CTNNA2: variants seen among roughly 807,000 people sequenced by gnomAD.
The protein encoded by CTNNA2 is catenin alpha 2.
Under a neutral mutation model 101.0 loss-of-function variants are expected in CTNNA2, and 42 were observed. That is an observed-to-expected ratio of 0.42 (90% CI 0.32 to 0.54). CTNNA2 has a LOEUF of 0.54. Ranked by LOEUF, CTNNA2 falls within the 20% of genes least tolerant of loss-of-function variation. CTNNA2 has a pLI of 0.14. For missense variants in CTNNA2, 871 were observed against 1,223.1 expected (o/e 0.71, Z 4.29); for synonymous variants, 450 against 456.4 (o/e 0.99, Z 0.18).
chr2:80,304,960 A>G (rs1459144536), intron 7 of CTNNA2: 2 of 421,230 alleles, frequency 4.7e-6, no homozygotes, highest in East Asian at 3.3e-4. Context: ...AGGTAGGGGT[A>G]GCATCATCCA....
intron 7 of CTNNA2, among the ~76,000 whole-genome samples, chr2:80,377,224 A>G (rs1313309335): frequency 6.6e-5 from 10 of 152,180 alleles, no homozygotes; most frequent in Non-Finnish European, 1.3e-4. Flanking sequence ...CTATAAAACA[A>G]TTTATTCTCC....
chr2:79,935,244 G>A (rs552860615), intron 7 of CTNNA2, among the ~76,000 whole-genome samples: 317 of 152,126 alleles, frequency 2.1e-3, no homozygotes, highest in African/African-American at 6.9e-3. Context: ...TATAGATGAG[G>A]GGGCAGAGCC....
chr2:79,827,138 A>G (rs1485982005), intron 3 of CTNNA2, among the ~76,000 whole-genome samples: 1 of 152,046 alleles, frequency 6.6e-6, no homozygotes, highest in Non-Finnish European at 1.5e-5. Flanking sequence ...TCCCAGGTTC[A>G]AGTGATTCTT....
chr2:80,449,328 C>T (rs1381708595), intron 9 of CTNNA2, among the ~76,000 whole-genome samples: 1 of 149,784 alleles, frequency 6.7e-6, no homozygotes, highest in Non-Finnish European at 1.5e-5. Context: ...AATAAATACA[C>T]TAAATAAAAT....
At chr2:79,623,971 A>T (rs1405383483) in intron 1 of CTNNA2, among the ~76,000 whole-genome samples, 2 of 152,078 alleles carry the variant, frequency 1.3e-5, no homozygotes, top group African/African-American at 4.8e-5. Flanking sequence ...TTCTTGAGTC[A>T]TATGGAAGAC....
chr2:79,421,405 C>T (rs575433586), intron 4 of CTNNA2, among the ~76,000 whole-genome samples: 6 of 152,152 alleles, frequency 3.9e-5, no homozygotes, highest in East Asian at 3.9e-4. Flanking sequence ...AAAAATTATC[C>T]GAAAAGGGCT....
At chr2:80,077,494 A>G (rs1206722286) in intron 7 of CTNNA2, among the ~76,000 whole-genome samples, 3 of 151,988 alleles carry the variant, frequency 2.0e-5, no homozygotes, top group East Asian at 3.9e-4. Context: ...CACACCTTTA[A>G]TCCCAGCACT....
intron 4 of CTNNA2, among the ~76,000 whole-genome samples, chr2:79,423,207 T>C (rs1018472425): frequency 6.6e-6 from 1 of 152,274 alleles, no homozygotes; most frequent in Middle Eastern, 3.4e-3. Flanking sequence ...GAAAATTCCA[T>C]GCTATAAAAG....
chr2:80,628,482 A>C (rs1208056817), intron 18 of CTNNA2, among the ~76,000 whole-genome samples: 4 of 151,184 alleles, frequency 2.6e-5, no homozygotes, highest in Non-Finnish European at 4.4e-5. Flanking sequence ...CAGTTTTCCC[A>C]ACACTATTTA....
At chr2:79,624,002 C>T (rs530052703) in intron 1 of CTNNA2, among the ~76,000 whole-genome samples, 3 of 152,020 alleles carry the variant, frequency 2.0e-5, no homozygotes, top group South Asian at 2.1e-4. Flanking sequence ...CTCTCTCCCC[C>T]GTACAGTCTC....
intron 12 of CTNNA2, among the ~76,000 whole-genome samples, chr2:80,571,336 A>G (rs943355308): frequency 6.6e-6 from 1 of 152,250 alleles, no homozygotes; most frequent in African/African-American, 2.4e-5. Flanking sequence ...ATCGGTTTCT[A>G]TCATGTTGTG....
intron 7 of CTNNA2, among the ~76,000 whole-genome samples, chr2:80,196,580 G>A (rs1706846625): frequency 1.3e-5 from 2 of 152,056 alleles, no homozygotes; most frequent in Non-Finnish European, 2.9e-5. Flanking sequence ...AACCCTAAAT[G>A]CCTACTATCT....
intron 7 of CTNNA2, among the ~76,000 whole-genome samples, chr2:80,178,220 C>T (rs909882982): frequency 6.6e-6 from 1 of 152,182 alleles, no homozygotes; most frequent in African/African-American, 2.4e-5. Context: ...TGTTCACGTA[C>T]ATACATATCA....
chr2:79,720,321 T>C (rs1035202775), intron 2 of CTNNA2, among the ~76,000 whole-genome samples: 1 of 152,160 alleles, frequency 6.6e-6, no homozygotes, highest in African/African-American at 2.4e-5. Flanking sequence ...TGAAGTCAGG[T>C]AGTGTAATGC....
At chr2:80,193,387 C>T (rs560916124) in intron 7 of CTNNA2, among the ~76,000 whole-genome samples, 15 of 152,172 alleles carry the variant, frequency 9.9e-5, no homozygotes, top group African/African-American at 3.4e-4. Flanking sequence ...GGGTTCTGGT[C>T]GTGGGAAGTC....
chr2:79,840,752 G>A (rs1679731880), intron 3 of CTNNA2, among the ~76,000 whole-genome samples: 1 of 133,286 alleles, frequency 7.5e-6, no homozygotes, highest in South Asian at 2.6e-4. Flanking sequence ...AGGCAGGACA[G>A]CGAGACTACC....
intron 7 of CTNNA2, among the ~76,000 whole-genome samples, chr2:80,366,789 C>G (rs114960253): frequency 6.6e-6 from 1 of 152,032 alleles, no homozygotes. Context: ...GCCAAGGTTG[C>G]GGATGCACAG....
At chr2:80,071,871 G>A (rs540102866) in intron 7 of CTNNA2, among the ~76,000 whole-genome samples, 5 of 152,266 alleles carry the variant, frequency 3.3e-5, no homozygotes, top group Non-Finnish European at 7.4e-5. Flanking sequence ...AGGAATTCTC[G>A]GATTTGGGGA....
At chr2:79,593,637 C>G (rs1422919605) in intron 1 of CTNNA2, among the ~76,000 whole-genome samples, 3 of 152,060 alleles carry the variant, frequency 2.0e-5, no homozygotes, top group Non-Finnish European at 4.4e-5. Context: ...CTATTTGACT[C>G]TCTCTCTTGC....
Sources: gnomAD v4.1 joint callset for allele counts (sites outside exome capture counted in the v4.1 genomes callset) on GRCh38, gnomAD v4.1.1 for gene constraint, MANE v1.5 for transcripts, NCBI Gene and HGNC (gene_info 2026-07-23, HGNC 2026-07-21) for gene names.